Variants in IL21R observed in about 807,000 individuals in gnomAD.
IL21R encodes interleukin 21 receptor, also known as interleukin-21 receptor.
Under a neutral mutation model 41.3 loss-of-function variants are expected in IL21R, and 14 were observed. The observed-to-expected ratio is 0.34, with a 90% CI of 0.22 to 0.53. The LOEUF (loss-of-function observed/expected upper bound fraction) is 0.53. Ranked by LOEUF, IL21R falls within the 20% of genes least tolerant of loss-of-function variation. IL21R has a pLI of 0.94. For synonymous variants in IL21R, 286 were observed against 287.6 expected (o/e 0.99, Z 0.05); for missense variants, 588 against 681.6 (o/e 0.86, Z 1.53).
intron 1 of IL21R, among the ~76,000 whole-genome samples, chr16:27,416,914 T>C (rs1212287177): frequency 6.6e-6 from 1 of 152,208 alleles, no homozygotes; most frequent in Non-Finnish European, 1.5e-5. Context: ...TTAGCATGAA[T>C]TTTTAAAGTT....
At chr16:27,443,733 G>C (rs1457082170) in intron 5 of IL21R, among the ~76,000 whole-genome samples, 1 of 129,110 alleles carries the variant, frequency 7.7e-6, no homozygotes, top group East Asian at 2.0e-4. Flanking sequence ...CAGTGAGCTG[G>C]GATCGCGCTA....
intron 4 of IL21R, among the ~76,000 whole-genome samples, chr16:27,440,672 G>A (rs1330680062): frequency 1.3e-5 from 2 of 152,162 alleles, no homozygotes; most frequent in Non-Finnish European, 2.9e-5. Context: ...TCTGCCCCAA[G>A]GAGCTAAGAG....
In IL21R at chr16:27,434,491, G is replaced by T. The variant is rs780380744; in HGVS notation, c.152+42G>T. 7.7e-6 allele frequency: 10 copies of T among 1,294,076 alleles called. No homozygotes were observed. The African/African-American group carries it at 1.5e-4, about 19-fold the overall frequency. 80.2% of individuals were successfully genotyped at this position (1,294,076 alleles called of 1,614,324 possible). ...CACCAGTCCCCGGGGATGCAATTCA[G>T]GGTGCCTGCTCAGTGATTCCCCCAG... On this transcript the variant is annotated intron_variant, in intron 3 of 8. Transcript: ENST00000337929.
chr16:27,450,839 G>A lies in IL21R; in HGVS notation c.*1556G>A, dbSNP rs574193116. ...GACTGCAGGCTGCAGGGCTGTGCTG[G>A]AGGAGCCAGCTCTAGCTCACCCATG... On this transcript the variant is annotated 3_prime_UTR_variant, in exon 9 of 9. Transcript: ENST00000337929. 4.7e-5 allele frequency: 11 copies of A among 232,532 alleles called. No homozygotes were observed. The East Asian group carries it at 4.9e-4, about 10-fold the overall frequency. The allele number at this position is 232,532 out of a possible 1,614,324, so 14.4% of individuals were successfully genotyped here.
intron 1 of IL21R, among the ~76,000 whole-genome samples, chr16:27,405,561 G>C (rs1179301096): frequency 6.6e-6 from 1 of 152,202 alleles, no homozygotes; most frequent in Non-Finnish European, 1.5e-5. Context: ...GCAGTGAAAA[G>C]AGGGGAACAG....
chr16:27,403,286 G>A, intron 1 of IL21R: 1 of 1,297,414 alleles, frequency 7.7e-7, no homozygotes, highest in Non-Finnish European at 1.0e-6. Context: ...AGTGGAGGCT[G>A]AGCCTTGAAG....
Position 27,402,194 on chromosome 16 carries a change from T to A in IL21R, c.-441T>A, listed in dbSNP as rs1596559620. 2 of 152,450 alleles carry A rather than the reference T, an allele frequency of 1.3e-5. No individual in the cohort carries two copies. Among genetic ancestry groups the A allele is most frequent in the South Asian group, 4.2e-4 (2 of 4,818 alleles). 9.4% of individuals were successfully genotyped at this position (152,450 alleles called of 1,614,324 possible). A position where few individuals can be genotyped will look rare whatever the true frequency, so the allele number is the denominator to read the frequency against. On this transcript the variant is annotated 5_prime_UTR_variant, in exon 1 of 9. Transcript: ENST00000337929. ...TCCCCACTCTGCACATGCGGCTGGGTGGCAGCCAGCGGCCTCAGACAGACC... is the reference window on the plus strand; with the variant it reads ...TCCCCACTCTGCACATGCGGCTGGGAGGCAGCCAGCGGCCTCAGACAGACC...
intron 1 of IL21R, among the ~76,000 whole-genome samples, chr16:27,411,454 CTTTTTT>C (rs59761925): frequency 1.7e-5 from 1 of 58,052 alleles, no homozygotes; most frequent in South Asian, 1.0e-3. Flanking sequence ...GTCCTTTGTC[CTTTTTT>C]TTTTTTTTTT....
At chr16:27,447,039 C>T (rs1487184584) in intron 8 of IL21R, among the ~76,000 whole-genome samples, 1 of 152,206 alleles carries the variant, frequency 6.6e-6, no homozygotes, top group African/African-American at 2.4e-5. Context: ...TCCTGCCTCA[C>T]TCATTCTCAT....
intron 4 of IL21R, among the ~76,000 whole-genome samples, chr16:27,438,968 A>G (rs1354544161): frequency 2.0e-5 from 3 of 151,718 alleles, no homozygotes; most frequent in African/African-American, 7.3e-5. Flanking sequence ...GTGTGTACCC[A>G]AAGCGGCCCC....
chr16:27,447,092 G>A (rs978809434), intron 8 of IL21R, among the ~76,000 whole-genome samples: 2 of 152,170 alleles, frequency 1.3e-5, no homozygotes, highest in Admixed American at 6.5e-5. Context: ...ACTGCCCCCA[G>A]GGCACCCATG....
At chr16:27,427,329 C>T (rs1567362899) in intron 1 of IL21R, 5 of 985,490 alleles carry the variant, frequency 5.1e-6, no homozygotes, top group South Asian at 9.4e-5. Flanking sequence ...GGTACCCCCT[C>T]CACATCCCTA....
chr16:27,430,228 T>A (rs989511086), intron 2 of IL21R, 108 bp downstream of exon 2: 85 of 902,142 alleles, frequency 9.4e-5, no homozygotes, highest in Non-Finnish European at 1.3e-4. Context: ...GTCCACAGAT[T>A]CAGAAAAGAT....
chr16:27,439,891 T>C (rs1197298340), intron 4 of IL21R, among the ~76,000 whole-genome samples: 1 of 152,022 alleles, frequency 6.6e-6, no homozygotes, highest in Non-Finnish European at 1.5e-5. Context: ...ACCCCCAGGC[T>C]CTGCAAACAT....
At chr16:27,406,616 T>C (rs1274772127) in intron 1 of IL21R, among the ~76,000 whole-genome samples, 1 of 151,952 alleles carries the variant, frequency 6.6e-6, no homozygotes, top group Admixed American at 6.6e-5. Context: ...CGTCTTCTAC[T>C]GATTAACTGT....
In IL21R at chr16:27,449,636, G is replaced by A. The variant is rs2087556083; in HGVS notation, c.*353G>A. 6.5e-6 allele frequency: 2 copies of A among 309,074 alleles called. No individual in the cohort carries two copies. Among genetic ancestry groups the A allele is most frequent in the Non-Finnish European group, 1.2e-5 (2 of 166,118 alleles). 19.1% of individuals were successfully genotyped at this position (309,074 alleles called of 1,614,324 possible). ...AAGTGTGCACAGTAAACGTGTTTGTGGTCAACAGATGACAACAGCCGTCCT... is the reference window on the plus strand; with the variant it reads ...AAGTGTGCACAGTAAACGTGTTTGTAGTCAACAGATGACAACAGCCGTCCT... On this transcript the variant is annotated 3_prime_UTR_variant, in exon 9 of 9. Transcript: ENST00000337929.
rs1221487635 is a variant in IL21R, at chr16:27,437,546, G to T, written c.211G>T (p.Ala71Ser). 6.2e-7 allele frequency: 1 copy of T among 1,614,180 alleles called. No individual in the cohort carries two copies. Among genetic ancestry groups the T allele is most frequent in the South Asian group, 1.1e-5 (1 of 91,080 alleles). The part of the protein sequence containing the change: ...EATSCSLHRS[A>S]HNATHATYTC... ...CACCTCCTGCAGCCTCCACAGGTCG[G>T]CCCACAATGCCACGCATGCCACCTA... The change falls in exon 4 of 9, where the codon GCC (alanine) becomes TCC (serine). Residue 71 changes from alanine to serine, a missense_variant. Transcript: ENST00000337929.
At chr16:27,427,339 A>G in intron 1 of IL21R, 2 of 985,070 alleles carry the variant, frequency 2.0e-6, no homozygotes, top group Non-Finnish European at 2.4e-6. Context: ...CCACATCCCT[A>G]GGGCTCTGTG....
Position 27,437,602 on chromosome 16 carries a change from G to C in IL21R, c.267G>C (p.Met89Ile). ...GCCACATGGATGTATTCCACTTCAT[G>C]GCCGACGACATTTTCAGTGTCAACA... Reference protein sequence around the residue: ...YTCHMDVFHFMADDIFSVNIT... With the variant: ...YTCHMDVFHFIADDIFSVNIT... The change falls in exon 4 of 9, where the codon ATG (methionine) becomes ATC (isoleucine). Residue 89 changes from methionine (M) to isoleucine (I), a missense_variant. Coordinates refer to ENST00000337929, the MANE Select transcript of IL21R (RefSeq NM_181078.3). 1 of 1,614,180 alleles carries C rather than the reference G, an allele frequency of 6.2e-7. No homozygotes were observed. The highest frequency in any genetic ancestry group is 8.5e-7 in the Non-Finnish European group (1 of 1,180,014).
Sources: allele counts gnomAD v4.1 joint callset (sites outside exome capture counted in the v4.1 genomes callset), GRCh38; gene constraint gnomAD v4.1.1; transcripts MANE v1.5; gene names NCBI Gene and HGNC (gene_info 2026-07-23, HGNC 2026-07-21).